DAB1: variants seen among roughly 807,000 people sequenced by gnomAD.
DAB1 encodes the protein DAB adaptor protein 1.
A neutral mutation model predicts 64.6 loss-of-function variants in DAB1; 15 were observed. The ratio of observed to expected loss-of-function variants is 0.23; its 90% CI spans 0.16 to 0.36. The LOEUF (loss-of-function observed/expected upper bound fraction) is 0.36. Ranked by LOEUF, DAB1 falls within the 10% of genes least tolerant of loss-of-function variation. The pLI is 1.00. For synonymous variants in DAB1, 235 were observed against 251.9 expected, an observed-to-expected ratio of 0.93 and a Z score of 0.64; for missense variants, 596 against 706.7, an observed-to-expected ratio of 0.84 and a Z score of 1.78.
chr1:58,495,157 A>T (rs2100389621), intron 3 of DAB1, among the ~76,000 whole-genome samples: 1 of 152,314 alleles, frequency 6.6e-6, no homozygotes, highest in Non-Finnish European at 1.5e-5. Flanking sequence ...TTCTCAGCAA[A>T]CTATTGCAAG....
At chr1:57,598,039 G>A (rs1645531403) in intron 7 of DAB1, among the ~76,000 whole-genome samples, 1 of 152,154 alleles carries the variant, frequency 6.6e-6, no homozygotes, top group Admixed American at 6.5e-5. Flanking sequence ...CTGCAGTGCA[G>A]TGGCACGATC....
intron 6 of DAB1, among the ~76,000 whole-genome samples, chr1:57,718,138 G>C (rs1181628805): frequency 1.3e-5 from 2 of 152,080 alleles, no homozygotes; most frequent in African/African-American, 2.4e-5. Context: ...TTTCAAGTTA[G>C]CTAGAAGAGA....
At chr1:57,954,029 C>G (rs1390517240) in intron 5 of DAB1, among the ~76,000 whole-genome samples, 1 of 152,072 alleles carries the variant, frequency 6.6e-6, no homozygotes, top group South Asian at 2.1e-4. Context: ...CCTTAGAACC[C>G]CCTTCTGAGT....
chr1:57,938,916 C>A (rs1167266716), intron 5 of DAB1, among the ~76,000 whole-genome samples: 3 of 151,948 alleles, frequency 2.0e-5, no homozygotes, highest in Non-Finnish European at 4.4e-5. Context: ...CAATGCTGAG[C>A]CAAACCAGTT....
intron 7 of DAB1, among the ~76,000 whole-genome samples, chr1:57,589,230 A>G (rs1329389186): frequency 1.3e-5 from 2 of 152,188 alleles, no homozygotes; most frequent in African/African-American, 4.8e-5. Context: ...CAAAAAACAA[A>G]AAACAAACAA....
chr1:58,373,877 G>A (rs1451710238), intron 3 of DAB1, among the ~76,000 whole-genome samples: 31 of 150,428 alleles, frequency 2.1e-4, no homozygotes, highest in Non-Finnish European at 1.5e-5. Flanking sequence ...CATTCTAACT[G>A]GTGTGAGATG....
chr1:58,162,977 T>C (rs1655623155), intron 4 of DAB1, among the ~76,000 whole-genome samples: 1 of 152,106 alleles, frequency 6.6e-6, no homozygotes, highest in African/African-American at 2.4e-5. Flanking sequence ...ATTTAGTAGG[T>C]AGAGGACAGG....
intron 1 of DAB1, among the ~76,000 whole-genome samples, chr1:58,539,536 T>C (rs953106728): frequency 9.7e-6 from 1 of 102,976 alleles, no homozygotes; most frequent in Non-Finnish European, 2.2e-5. Flanking sequence ...AAGCTTGAAT[T>C]TTTTTCATTT....
intron 4 of DAB1, among the ~76,000 whole-genome samples, chr1:57,092,321 T>A (rs1570675798): frequency 6.6e-6 from 1 of 152,130 alleles, no homozygotes; most frequent in Non-Finnish European, 1.5e-5. Flanking sequence ...TGTGTCCCCA[T>A]CCAAATCTCA....
At chr1:57,428,382 A>G (rs1249171329), upstream of DAB1, among the ~76,000 whole-genome samples, 1 of 152,320 alleles carries the variant, frequency 6.6e-6, no homozygotes, top group Non-Finnish European at 1.5e-5. Context: ...TGATTGATTT[A>G]GATTCCACAT....
intron 4 of DAB1, among the ~76,000 whole-genome samples, chr1:58,299,654 C>A (rs778063413): frequency 7.9e-5 from 12 of 152,080 alleles, no homozygotes; most frequent in Non-Finnish European, 1.0e-4. Flanking sequence ...GTGATAGTGC[C>A]CACACCCATG....
intron 1 of DAB1, among the ~76,000 whole-genome samples, chr1:57,379,230 C>T (rs540765009): frequency 6.6e-6 from 1 of 152,182 alleles, no homozygotes; most frequent in East Asian, 1.9e-4. Context: ...TCACATAGGT[C>T]TCCACTGCTT....
At chr1:57,594,771 C>T (rs1001069174) in intron 7 of DAB1, among the ~76,000 whole-genome samples, 17 of 152,052 alleles carry the variant, frequency 1.1e-4, no homozygotes, top group Admixed American at 2.6e-4. Flanking sequence ...AGTGCAGTGG[C>T]GCCATCTCGG....
intron 7 of DAB1, among the ~76,000 whole-genome samples, chr1:57,492,663 G>C (rs1351342366): frequency 6.6e-6 from 1 of 152,166 alleles, no homozygotes; most frequent in African/African-American, 2.4e-5. Flanking sequence ...AAGGAGAATG[G>C]ATTTTTAAAA....
chr1:57,000,626 T>A (rs1645823112), intron 14 of DAB1, among the ~76,000 whole-genome samples: 1 of 152,204 alleles, frequency 6.6e-6, no homozygotes, highest in Non-Finnish European at 1.5e-5. Flanking sequence ...GTGTTTGTGT[T>A]CTACAAGTGC....
chr1:57,361,021 C>T (rs1570366996), intron 1 of DAB1, among the ~76,000 whole-genome samples: 1 of 152,086 alleles, frequency 6.6e-6, no homozygotes, highest in Non-Finnish European at 1.5e-5. Flanking sequence ...AGAGGCCCCC[C>T]TTTAACACAC....
intron 6 of DAB1, among the ~76,000 whole-genome samples, chr1:57,698,663 G>A (rs1646873939): frequency 6.6e-6 from 1 of 152,158 alleles, no homozygotes. Flanking sequence ...TTGAATAAAT[G>A]AACAAGGTAA....
intron 4 of DAB1, among the ~76,000 whole-genome samples, chr1:58,231,193 T>C (rs538135324): frequency 6.6e-6 from 1 of 152,216 alleles, no homozygotes; most frequent in Non-Finnish European, 1.5e-5. Flanking sequence ...CGAGAGAGTG[T>C]GAGTGAGTGA....
At chr1:57,385,867 A>G (rs1358337205) in intron 1 of DAB1, among the ~76,000 whole-genome samples, 1 of 152,150 alleles carries the variant, frequency 6.6e-6, no homozygotes, top group Non-Finnish European at 1.5e-5. Flanking sequence ...CTTACAAAGG[A>G]ATGATTGTTC....
Sources: gnomAD v4.1 joint callset for allele counts (sites outside exome capture counted in the v4.1 genomes callset) on GRCh38, gnomAD v4.1.1 for gene constraint, MANE v1.5 for transcripts, NCBI Gene and HGNC (gene_info 2026-07-23, HGNC 2026-07-21) for gene names.